RAD50: variants seen among roughly 807,000 people sequenced by gnomAD.
RAD50 encodes RAD50 double strand break repair protein.
A neutral mutation model predicts 168.8 loss-of-function variants in RAD50; 132 were observed. That is an observed-to-expected ratio of 0.78 (90% CI 0.68 to 0.90). The LOEUF is 0.90. Among genes scored for constraint, RAD50 ranks in the 40% least tolerant of loss-of-function variants. The pLI, the probability that RAD50 is intolerant of heterozygous loss-of-function variation, is 0.00. For missense variants in RAD50, 1,347 were observed against 1,534.4 expected (o/e 0.88, Z 2.04); for synonymous variants, 525 against 497.4 (o/e 1.06, Z -0.74).
intron 20 of RAD50, among the ~76,000 whole-genome samples, chr5:132,617,245 A>G (rs1467215754): frequency 2.0e-5 from 3 of 152,182 alleles, no homozygotes; most frequent in Non-Finnish European, 4.4e-5. Context: ...AAAGACCAAA[A>G]CCAGATATTT....
intron 21 of RAD50, among the ~76,000 whole-genome samples, chr5:132,635,067 C>T (rs969569567): frequency 5.9e-5 from 9 of 152,114 alleles, no homozygotes; most frequent in African/African-American, 1.9e-4. Context: ...ATAACATTCC[C>T]TCATAAAACT....
chr5:132,594,515 T>G (rs1364366196), intron 11 of RAD50, among the ~76,000 whole-genome samples: 1 of 152,164 alleles, frequency 6.6e-6, no homozygotes, highest in African/African-American at 2.4e-5. Flanking sequence ...GTGAAAGGAC[T>G]AAAGGGAATT....
At chr5:132,620,697 A>T (rs1751270618) in intron 21 of RAD50, among the ~76,000 whole-genome samples, 1 of 152,154 alleles carries the variant, frequency 6.6e-6, no homozygotes, top group East Asian at 1.9e-4. Context: ...TAAGCCCCCC[A>T]CGCAGTCAGA....
At chr5:132,599,800 C>G (rs2149845711) in intron 13 of RAD50, among the ~76,000 whole-genome samples, 1 of 152,020 alleles carries the variant, frequency 6.6e-6, no homozygotes, top group Admixed American at 6.5e-5. Flanking sequence ...AATTCCAACT[C>G]TGCTGGGTGA....
intron 21 of RAD50, among the ~76,000 whole-genome samples, chr5:132,625,404 A>T (rs1751357685): frequency 6.6e-6 from 1 of 152,184 alleles, no homozygotes; most frequent in African/African-American, 2.4e-5. Context: ...TTTTTTAAAA[A>T]AAGTTTTATT....
At position 132,642,450 on chromosome 5, in the gene RAD50, A is replaced by G. The variant is rs1009011208; in HGVS notation, c.*86A>G. On this transcript the variant is annotated 3_prime_UTR_variant, in exon 25 of 25. Coordinates refer to ENST00000378823, the MANE Select transcript of RAD50 (RefSeq NM_005732.4). ...CTTATTTCTCATATCAACTTAGTCA[A>G]TAAGAAAATATATTCTTTCAAAGGA... 6 of 1,185,292 alleles carry G rather than the reference A, an allele frequency of 5.1e-6. No individual in the cohort carries two copies. The highest frequency in any genetic ancestry group is 6.1e-6 in the Non-Finnish European group (5 of 825,604). 73.4% of individuals were successfully genotyped at this position (1,185,292 alleles called of 1,614,324 possible). A position where few individuals can be genotyped will look rare whatever the true frequency, so the allele number is the denominator to read the frequency against.
intron 21 of RAD50, among the ~76,000 whole-genome samples, chr5:132,620,208 A>G (rs1751264124): frequency 6.6e-6 from 1 of 152,098 alleles, no homozygotes; most frequent in African/African-American, 2.4e-5. Context: ...CCCTACTTCT[A>G]TATTTTTGTC....
rs1751769167 is a variant in RAD50 at position 132,643,060 on chromosome 5, A to AAAG, written c.*696_*697insAAG. 1 of 529,710 alleles carries AAAG rather than the reference A, an allele frequency of 1.9e-6. No homozygotes were observed. The highest frequency in any genetic ancestry group is 1.9e-5 in the African/African-American group (1 of 52,730). The allele number at this position is 529,710 out of a possible 1,614,324, so 32.8% of individuals were successfully genotyped here. A position where few individuals can be genotyped will look rare whatever the true frequency, so the allele number is the denominator to read the frequency against. ...AGAGAGGAAATTCTCCACTGTGCAC[A>AAAG]CCCACCTTTGGAAAGCTCTGACCAC... is the stretch of plus-strand genomic sequence containing the variant. On this transcript the variant is annotated 3_prime_UTR_variant, in exon 25 of 25. Coordinates refer to ENST00000378823, the MANE Select transcript of RAD50 (RefSeq NM_005732.4).
chr5:132,629,376 A>C (rs1364480489), intron 21 of RAD50, among the ~76,000 whole-genome samples: 4 of 152,114 alleles, frequency 2.6e-5, no homozygotes, highest in Non-Finnish European at 5.9e-5. Flanking sequence ...TCAGCAGAGA[A>C]AAGTGCCTCA....
chr5:132,593,015 C>T, intron 11 of RAD50: 1 of 379,656 alleles, frequency 2.6e-6, no homozygotes, highest in Admixed American at 2.9e-5. Flanking sequence ...TGATCTTCTT[C>T]AGTTAGGGCA....
At chr5:132,642,142 C>G in intron 24 of RAD50, 36 bp from the exon 25 acceptor site, 1 of 1,597,954 alleles carries the variant, frequency 6.3e-7, no homozygotes, top group Non-Finnish European at 8.6e-7. Context: ...GGGTTATGCT[C>G]TTTACTAATA....
intron 1 of RAD50, 62 bp downstream of exon 1, chr5:132,557,515 G>A (rs941038674): frequency 1.9e-6 from 3 of 1,600,612 alleles, no homozygotes; most frequent in African/African-American, 2.7e-5. Flanking sequence ...AATAAAATGG[G>A]AAGTTGAGAA....
At chr5:132,577,760 T>TC (rs1750423466) in intron 3 of RAD50, among the ~76,000 whole-genome samples, 1 of 151,716 alleles carries the variant, frequency 6.6e-6, no homozygotes, top group African/African-American at 2.4e-5. Context: ...ACCAGACCTC[T>TC]GTTTCCAGAC....
In RAD50 at chr5:132,603,296, T is replaced by C; in HGVS notation, c.2208-4T>C. The C allele has an allele frequency of 6.2e-7, 1 of 1,607,494 alleles. No homozygotes were observed. Among genetic ancestry groups the C allele is most frequent in the Non-Finnish European group, 8.5e-7 (1 of 1,175,222 alleles). On this transcript the variant is annotated splice_polypyrimidine_tract_variant and splice_region_variant and intron_variant, in intron 13 of 24. Coordinates refer to ENST00000378823, the MANE Select transcript of RAD50 (RefSeq NM_005732.4). ...CTTTATTTTTAATTGTGTTTTCTAT[T>C]TAGGCAAAGCATAATTGATTTGAAG...
At chr5:132,619,762 GT>G (rs1751241626) in intron 21 of RAD50, among the ~76,000 whole-genome samples, 1 of 138,066 alleles carries the variant, frequency 7.2e-6, no homozygotes, top group South Asian at 2.3e-4. Flanking sequence ...TGTGTGTCTT[GT>G]TAAGAAATCC....
At position 132,591,858 on chromosome 5, in the gene RAD50, ATT is replaced by A; in HGVS notation, c.1636-10_1636-9del. On this transcript the variant is annotated splice_polypyrimidine_tract_variant and intron_variant, in intron 10 of 24. Transcript: ENST00000378823. The stretch of plus-strand genomic sequence containing the variant: ...GAGATATAGACTTTATTTTTAAAAG[ATT>A]TTTTTTTTACCTATAGGCTGACAAA... 1.4e-6 allele frequency: 2 copies of A among 1,444,516 alleles called. No individual in the cohort carries two copies. The highest frequency in any genetic ancestry group is 1.9e-6 in the Non-Finnish European group (2 of 1,051,400). 89.5% of individuals were successfully genotyped at this position (1,444,516 alleles called of 1,614,324 possible).
At chr5:132,638,798 A>G (rs1003142349) in intron 23 of RAD50, among the ~76,000 whole-genome samples, 2 of 152,208 alleles carry the variant, frequency 1.3e-5, no homozygotes, top group Non-Finnish European at 2.9e-5. Context: ...AGGACAGCCT[A>G]CATTGGAAAT....
At chr5:132,605,342 C>T (rs1561645917) in intron 16 of RAD50, among the ~76,000 whole-genome samples, 1 of 152,138 alleles carries the variant, frequency 6.6e-6, no homozygotes, top group African/African-American at 2.4e-5. Flanking sequence ...CATGCCCCGC[C>T]CCATTCTTCT....
chr5:132,630,270 T>C (rs1033632773), intron 21 of RAD50, among the ~76,000 whole-genome samples: 1 of 152,114 alleles, frequency 6.6e-6, no homozygotes. Context: ...TCTTGATCTC[T>C]TGACCTTGTG....
Sources: allele counts gnomAD v4.1 joint callset (sites outside exome capture counted in the v4.1 genomes callset), GRCh38; gene constraint gnomAD v4.1.1; transcripts MANE v1.5; gene names NCBI Gene and HGNC (gene_info 2026-07-23, HGNC 2026-07-21).